The following AGGF1 variants were observed in gnomAD, a reference collection of about 807,000 sequenced individuals.
The protein encoded by AGGF1 is angiogenic factor with G patch and FHA domains 1.
Under a neutral mutation model 86.5 loss-of-function variants are expected in AGGF1, and 56 were observed. That is an observed-to-expected ratio of 0.65 (90% CI 0.52 to 0.81). AGGF1 has a LOEUF of 0.81. Among genes scored for constraint, AGGF1 ranks in the 30% least tolerant of loss-of-function variants. The pLI is 0.00. For missense variants in AGGF1, 816 were observed against 850.9 expected, an observed-to-expected ratio of 0.96 and a Z score of 0.51; for synonymous variants, 313 against 297.1, an observed-to-expected ratio of 1.05 and a Z score of -0.55.
At chr5:77,042,784 C>T (rs1279616913) in intron 5 of AGGF1, among the ~76,000 whole-genome samples, 12 of 53,216 alleles carry the variant, frequency 2.3e-4, no homozygotes, top group African/African-American at 4.2e-4. Context: ...ACCTCCCTCC[C>T]GGACGGGGCG....
intron 5 of AGGF1, among the ~76,000 whole-genome samples, chr5:77,040,236 G>GTAGCTGGGATTACAGGC (rs1747049081): frequency 6.6e-6 from 1 of 151,604 alleles, no homozygotes; most frequent in Admixed American, 6.6e-5. Flanking sequence ...AGCCTCCCGA[G>GTAGCTGGGATTACAGGC]TAGCTGGGAT....
At chr5:77,031,428 T>A (rs1045915045) in intron 1 of AGGF1, among the ~76,000 whole-genome samples, 1 of 152,222 alleles carries the variant, frequency 6.6e-6, no homozygotes, top group Non-Finnish European at 1.5e-5. Flanking sequence ...CAAACAATTT[T>A]ACAAACTTTT....
rs151302877 is a variant in AGGF1 at position 77,047,321 on chromosome 5, A to G, written c.1201+644A>G. On this transcript the variant is annotated intron_variant, in intron 6 of 13. Transcript: ENST00000312916. ...CATTTACATTGTATTAGGTGTAAGT[A>G]ATCTAGAGATGATTTAAGTTATACA... Among the ~76,000 whole-genome samples, 463 of 152,260 alleles carry G rather than the reference A, an allele frequency of 3.0e-3. 1 individual carries two copies. The highest frequency in any genetic ancestry group is 0.01 in the Middle Eastern group (3 of 294).
At chr5:77,046,739 C>G (rs1747262626) in intron 6 of AGGF1, 62 bp downstream of exon 6, 1 of 1,450,188 alleles carries the variant, frequency 6.9e-7, no homozygotes, top group South Asian at 1.2e-5. Context: ...AGAGCAAAAC[C>G]ATTAAAAATG....
At chr5:77,045,903 T>G (rs1747239384) in intron 5 of AGGF1, among the ~76,000 whole-genome samples, 1 of 152,224 alleles carries the variant, frequency 6.6e-6, no homozygotes, top group African/African-American at 2.4e-5. Flanking sequence ...TCATTAATAA[T>G]TTTACTTTTT....
In AGGF1 at chr5:77,034,468, A is replaced by C. The variant is rs759543368; in HGVS notation, c.261A>C (p.Lys87Asn). 1.2e-6 allele frequency: 2 copies of C among 1,613,732 alleles called. No homozygotes were observed. Among genetic ancestry groups the C allele is most frequent in the Non-Finnish European group, 1.7e-6 (2 of 1,179,706 alleles). Residue 87 changes from lysine to asparagine, a missense_variant, in exon 2 of 14, where the codon AAA becomes AAC. Physicochemically the swap from Lys to Asn is moderately conservative, Grantham distance 94. Coordinates refer to ENST00000312916, the MANE Select transcript of AGGF1 (RefSeq NM_018046.5). ...ILQRGRNEDN[K>N]KSDVEVQTEN... ...AACGTGGGAGAAATGAAGATAATAA[A>C]AAGTCTGATGTAGAAGTACAAACAG... is the stretch of plus-strand genomic sequence containing the variant.
chr5:77,046,548 G>C lies in AGGF1; in HGVS notation c.1072G>C (p.Asp358His). Residue 358 changes from aspartate (D) to histidine (H), a missense_variant, in exon 6 of 14, where the codon GAT becomes CAT. Transcript: ENST00000312916. ...ENISNSTSFK[D>H]EKIMETDSEP... ...CATCTCTAATTCAACATCATTTAAA[G>C]ATGAGAAAATCATGGAGACTGATAG... 1 of 1,613,854 alleles carries C rather than the reference G, an allele frequency of 6.2e-7. No homozygotes were observed. The highest frequency in any genetic ancestry group is 8.5e-7 in the Non-Finnish European group (1 of 1,179,886).
At chr5:77,050,135 GC>G (rs764416352) in intron 8 of AGGF1, among the ~76,000 whole-genome samples, 25 of 151,946 alleles carry the variant, frequency 1.6e-4, no homozygotes, top group Middle Eastern at 6.8e-3. Flanking sequence ...TTAATTCTAA[GC>G]AGATTATGTT....
intron 5 of AGGF1, among the ~76,000 whole-genome samples, chr5:77,044,047 C>G (rs2150730693): frequency 8.1e-6 from 1 of 123,652 alleles, no homozygotes; most frequent in African/African-American, 3.1e-5. Flanking sequence ...ACGCTCCTCA[C>G]TTCCTAGATG....
At chr5:77,043,262 C>T (rs1747160644) in intron 5 of AGGF1, among the ~76,000 whole-genome samples, 2 of 32,026 alleles carry the variant, frequency 6.2e-5, no homozygotes, top group African/African-American at 1.1e-4. Context: ...GGCGGCCGGG[C>T]AGAGGCGCCC....
rs1346032372 is a variant in AGGF1 at position 77,034,471 on chromosome 5, G to A, written c.264G>A (p.Lys88=). ...LQRGRNEDNK[K]SDVEVQTENH... is the part of the protein sequence containing the mutation. Reference sequence around the variant, plus strand: ...GTGGGAGAAATGAAGATAATAAAAAGTCTGATGTAGAAGTACAAACAGAGA... The same window carrying A: ...GTGGGAGAAATGAAGATAATAAAAAATCTGATGTAGAAGTACAAACAGAGA... Residue 88 remains lysine, a synonymous_variant, in exon 2 of 14, where the codon AAG becomes AAA. Transcript: ENST00000312916. 6.2e-7 allele frequency: 1 copy of A among 1,613,650 alleles called. No individual in the cohort carries two copies. Among genetic ancestry groups the A allele is most frequent in the Non-Finnish European group, 8.5e-7 (1 of 1,179,676 alleles).
intron 6 of AGGF1, among the ~76,000 whole-genome samples, chr5:77,047,213 A>G (rs1238061376): frequency 6.6e-6 from 1 of 152,180 alleles, no homozygotes; most frequent in Non-Finnish European, 1.5e-5. Flanking sequence ...AGGGAAAAAA[A>G]TGGATAGCTA....
chr5:77,036,425 G>A (rs190781147), intron 3 of AGGF1, 131 bp from the exon 4 acceptor site: 128 of 930,794 alleles, frequency 1.4e-4, no homozygotes, highest in Non-Finnish European at 1.8e-4. Context: ...AGTCATAATT[G>A]ATAGTCATGC....
chr5:77,046,244 C>T (rs1157654396), intron 5 of AGGF1, 103 bp from the exon 6 acceptor site: 3 of 980,448 alleles, frequency 3.1e-6, no homozygotes, highest in Non-Finnish European at 5.0e-6. Context: ...ATTTTACTGA[C>T]ACATATCTTC....
In AGGF1 at chr5:77,056,386, G is replaced by A. The variant is rs537627634; in HGVS notation, c.1716+790G>A. Among the ~76,000 whole-genome samples the A allele has an allele frequency of 1.8e-4, 27 of 151,794 alleles. 1 individual carries two copies. Among genetic ancestry groups the A allele is most frequent in the Non-Finnish European group, 8.8e-5 (6 of 67,878 alleles). ...TGTGATTGCAGGGGCCCGCCACCAC[G>A]CCCCGCTAATTTTTGTATTTTTAGT... is the stretch of plus-strand genomic sequence containing the variant. On this transcript the variant is annotated intron_variant, in intron 11 of 13. Coordinates refer to ENST00000312916, the MANE Select transcript of AGGF1 (RefSeq NM_018046.5).
intron 5 of AGGF1, 44 bp downstream of exon 5, chr5:77,039,763 A>G (rs1273205074): frequency 1.9e-6 from 3 of 1,555,688 alleles, no homozygotes; most frequent in South Asian, 2.4e-5. Context: ...TGGTGATAAC[A>G]TGATAATTAA....
chr5:77,042,296 A>T (rs1421494544), intron 5 of AGGF1, among the ~76,000 whole-genome samples: 4 of 147,158 alleles, frequency 2.7e-5, no homozygotes, highest in Admixed American at 1.4e-4. Context: ...CGCCATTGTC[A>T]TCCTGGCCCG....
chr5:77,063,348 A>G lies in AGGF1; in HGVS notation c.*96A>G, dbSNP rs982253513. 3 of 1,243,830 alleles carry G rather than the reference A, an allele frequency of 2.4e-6. No individual in the cohort carries two copies. The highest frequency in any genetic ancestry group is 3.4e-6 in the Non-Finnish European group (3 of 879,312). The allele number at this position is 1,243,830 out of a possible 1,614,324, so 77.0% of individuals were successfully genotyped here. On this transcript the variant is annotated 3_prime_UTR_variant, in exon 14 of 14. Transcript: ENST00000312916. The stretch of plus-strand genomic sequence containing the variant: ...AAAGAATCAGCAGCACAGGGGAACT[A>G]TGTCACAGTTTACCTCTTCCTGATT...
chr5:77,049,511 T>C lies in AGGF1; in HGVS notation c.1365+524T>C, dbSNP rs147352961. Reference sequence around the variant, plus strand: ...ACTCAAGTTATAAGTAGAAAACAACTAAAGGTTTAGCTGCTGAGATTCTTT... The same window carrying C: ...ACTCAAGTTATAAGTAGAAAACAACCAAAGGTTTAGCTGCTGAGATTCTTT... On this transcript the variant is annotated intron_variant, in intron 8 of 13. Coordinates refer to ENST00000312916, the MANE Select transcript of AGGF1 (RefSeq NM_018046.5). Among the ~76,000 whole-genome samples the C allele has an allele frequency of 2.4e-3, 357 of 151,652 alleles. 1 individual carries two copies. Among genetic ancestry groups the C allele is most frequent in the African/African-American group, 8.2e-3 (339 of 41,422 alleles).
Sources: allele counts gnomAD v4.1 joint callset (sites outside exome capture counted in the v4.1 genomes callset), GRCh38; gene constraint gnomAD v4.1.1; transcripts MANE v1.5; gene names NCBI Gene and HGNC (gene_info 2026-07-23, HGNC 2026-07-21).